Variants in IQCK observed in about 807,000 individuals in gnomAD.
IQCK encodes IQ motif containing K.
IQCK carries 29 observed loss-of-function variants against 28.1 expected under a neutral mutation model. That is an observed-to-expected ratio of 1.03 (90% CI 0.77 to 1.41). The LOEUF (loss-of-function observed/expected upper bound fraction) is 1.41. Ranked by LOEUF, IQCK falls within the 40% of genes most tolerant of loss-of-function variation. IQCK has a pLI of 0.00. For synonymous variants in IQCK, 113 were observed against 115.1 expected (o/e 0.98, Z 0.12); for missense variants, 359 against 314.7 (o/e 1.14, Z -1.07).
At chr16:19,718,357 C>G (rs151262188) in exon 1 of IQCK, 152 of 1,610,202 alleles carry the variant, frequency 9.4e-5, no homozygotes, top group Middle Eastern at 1.7e-4. Context: ...TCAAGCCCAG[C>G]TGCTCTACAG....
intron 4 of IQCK, among the ~76,000 whole-genome samples, chr16:19,745,919 G>A (rs1312936917): frequency 6.6e-6 from 1 of 152,160 alleles, no homozygotes; most frequent in Non-Finnish European, 1.5e-5. Context: ...CCTTTACAGC[G>A]TGGTGGTCTC....
intron 6 of IQCK, among the ~76,000 whole-genome samples, chr16:19,767,943 A>C (rs2055264946): frequency 6.6e-6 from 1 of 151,862 alleles, no homozygotes; most frequent in South Asian, 2.1e-4. Context: ...TTTGGAAAAT[A>C]GTGGTACCTA....
At chr16:19,812,788 G>GA (rs766811014) in intron 7 of IQCK, among the ~76,000 whole-genome samples, 4 of 152,070 alleles carry the variant, frequency 2.6e-5, no homozygotes, top group Admixed American at 2.0e-4. Flanking sequence ...AGATTTGCTA[G>GA]AAAAAATATA....
intron 6 of IQCK, among the ~76,000 whole-genome samples, chr16:19,784,114 T>G (rs929214530): frequency 6.6e-6 from 1 of 152,198 alleles, no homozygotes; most frequent in African/African-American, 2.4e-5. Context: ...TGACATAGGA[T>G]TCCCTGCGGA....
At chr16:19,774,975 C>T (rs974953304) in intron 6 of IQCK, among the ~76,000 whole-genome samples, 6 of 152,062 alleles carry the variant, frequency 3.9e-5, no homozygotes, top group Non-Finnish European at 5.9e-5. Flanking sequence ...TGCCTGTAAT[C>T]CCAGCACTTT....
At chr16:19,761,440 G>A (rs1303495879) in intron 4 of IQCK, 1 of 454,322 alleles carries the variant, frequency 2.2e-6, no homozygotes, top group Non-Finnish European at 4.4e-6. Context: ...AGGCTAGGGA[G>A]GGTGGATCTG....
chr16:19,769,815 C>G (rs2055293655), intron 6 of IQCK, among the ~76,000 whole-genome samples: 1 of 152,112 alleles, frequency 6.6e-6, no homozygotes, highest in Admixed American at 6.6e-5. Context: ...AGTTCCAAGC[C>G]TGTCTTTATA....
At chr16:19,729,601 A>G (rs570103012) in intron 1 of IQCK, among the ~76,000 whole-genome samples, 19 of 152,138 alleles carry the variant, frequency 1.2e-4, no homozygotes, top group African/African-American at 4.3e-4. Context: ...GAGACCAACC[A>G]TCTCTTACCG....
intron 4 of IQCK, among the ~76,000 whole-genome samples, chr16:19,743,734 A>T (rs1290761187): frequency 6.6e-6 from 1 of 152,252 alleles, no homozygotes; most frequent in African/African-American, 2.4e-5. Flanking sequence ...CTCCACTCTG[A>T]TGGTCAGTCA....
downstream of IQCK, among the ~76,000 whole-genome samples, chr16:19,828,978 TTA>T (rs558751324): frequency 3.3e-4 from 47 of 143,794 alleles, no homozygotes; most frequent in African/African-American, 7.3e-4. Flanking sequence ...AAATATATAA[TTA>T]TATATATAAT....
intron 2 of IQCK, among the ~76,000 whole-genome samples, chr16:19,731,665 G>C (rs1167798199): frequency 6.6e-6 from 1 of 152,128 alleles, no homozygotes; most frequent in Non-Finnish European, 1.5e-5. Flanking sequence ...GTCTTCAGTG[G>C]ATTTTTCTAT....
At chr16:19,849,715 T>C (rs1186658689) in intron 9 of IQCK, among the ~76,000 whole-genome samples, 1 of 151,598 alleles carries the variant, frequency 6.6e-6, no homozygotes, top group Non-Finnish European at 1.5e-5. Flanking sequence ...TGAGCTGTGA[T>C]TGCACCATGT....
downstream of IQCK, among the ~76,000 whole-genome samples, chr16:19,830,769 G>C (rs1201731127): frequency 6.6e-6 from 1 of 152,128 alleles, no homozygotes; most frequent in Middle Eastern, 3.2e-3. Flanking sequence ...TGAAGCTTTA[G>C]TTTTCCCTTG....
chr16:19,818,266 A>C (rs1467879780), intron 7 of IQCK, among the ~76,000 whole-genome samples: 4 of 152,222 alleles, frequency 2.6e-5, no homozygotes. Flanking sequence ...GTAATCATAA[A>C]GATCTGGGGG....
At chr16:19,732,295 A>G (rs1466157891) in intron 2 of IQCK, among the ~76,000 whole-genome samples, 4 of 152,162 alleles carry the variant, frequency 2.6e-5, no homozygotes, top group African/African-American at 9.7e-5. Context: ...ATCACGGCTG[A>G]TGTGGCTTTC....
chr16:19,742,442 C>G (rs536741314), intron 4 of IQCK, among the ~76,000 whole-genome samples: 1 of 152,148 alleles, frequency 6.6e-6, no homozygotes, highest in Admixed American at 6.5e-5. Context: ...TTTGTCAGAC[C>G]CAAGTGGAAC....
chr16:19,808,428 A>C (rs925359685), intron 7 of IQCK, among the ~76,000 whole-genome samples: 3 of 152,190 alleles, frequency 2.0e-5, no homozygotes, highest in Non-Finnish European at 4.4e-5. Flanking sequence ...CACAGGGTTC[A>C]CTGCAGTGAA....
chr16:19,805,170 AG>A (rs1218803124), intron 7 of IQCK, among the ~76,000 whole-genome samples: 1 of 152,132 alleles, frequency 6.6e-6, no homozygotes, highest in Non-Finnish European at 1.5e-5. Flanking sequence ...GTTCTCAGGC[AG>A]GGGTTGGTTG....
At chr16:19,760,799 A>G (rs1455998505) in intron 4 of IQCK, among the ~76,000 whole-genome samples, 1 of 152,198 alleles carries the variant, frequency 6.6e-6, no homozygotes, top group Non-Finnish European at 1.5e-5. Flanking sequence ...TGCAGGAATA[A>G]AAGAATGCCT....
Sources: gnomAD v4.1 joint callset for allele counts (sites outside exome capture counted in the v4.1 genomes callset) on GRCh38, gnomAD v4.1.1 for gene constraint, MANE v1.5 for transcripts, NCBI Gene and HGNC (gene_info 2026-07-23, HGNC 2026-07-21) for gene names.